CCDC149: variants seen among roughly 807,000 people sequenced by gnomAD.
CCDC149 encodes coiled-coil domain-containing protein 149.
A neutral mutation model predicts 59.9 loss-of-function variants in CCDC149; 45 were observed. The observed-to-expected ratio is 0.75, with a 90% CI of 0.59 to 0.96. The LOEUF (loss-of-function observed/expected upper bound fraction) is 0.96. CCDC149 is among the 40% of genes least tolerant of loss of function. The probability of loss-of-function intolerance (pLI) is 0.00; values close to 1 mark genes in which losing one functional copy is unlikely to be tolerated. For missense variants in CCDC149, 584 were observed against 664.7 expected (o/e 0.88, Z 1.33); for synonymous variants, 245 against 260.6 (o/e 0.94, Z 0.58).
rs562631274 is a variant in CCDC149 at position 24,961,122 on chromosome 4, C to A, written c.-65+18947G>T. On this transcript the variant is annotated intron_variant, in intron 1 of 12. Transcript: ENST00000389609. ...TAGACCGTATTTTGGTCCTTGAAAC[C>A]AAATTTTAATACATTTTAAAGGATT... 2.6e-5 allele frequency among the ~76,000 whole-genome samples: 4 copies of A among 152,224 alleles called. No individual in the cohort carries two copies. The East Asian group carries it at 7.7e-4, about 29-fold the overall frequency.
intron 12 of CCDC149, among the ~76,000 whole-genome samples, chr4:24,813,489 A>AATATATATATATATATATAT (rs57650226): frequency 9.7e-5 from 11 of 113,722 alleles, no homozygotes; most frequent in South Asian, 2.9e-4. Context: ...CAGCTTGGGG[A>AATATATATATATATATATAT]ATATATATAT....
At chr4:24,820,083 C>T in intron 11 of CCDC149, 108 bp from the exon 12 acceptor site, 1 of 729,768 alleles carries the variant, frequency 1.4e-6, no homozygotes, top group Non-Finnish European at 2.3e-6. Flanking sequence ...CAGACACTAC[C>T]ATTGAAGGGA....
At chr4:24,812,456 C>T (rs571183246) in intron 12 of CCDC149, among the ~76,000 whole-genome samples, 22 of 152,318 alleles carry the variant, frequency 1.4e-4, no homozygotes, top group East Asian at 9.6e-4. Context: ...TACAGACCCA[C>T]GTTTCTGGCT....
intron 1 of CCDC149, among the ~76,000 whole-genome samples, chr4:24,939,329 G>A (rs1224156251): frequency 4.6e-5 from 7 of 152,200 alleles, no homozygotes; most frequent in Non-Finnish European, 8.8e-5. Context: ...CTGCAGCTGA[G>A]GGTCCTGACT....
chr4:24,908,040 T>C (rs1721639136), intron 1 of CCDC149, among the ~76,000 whole-genome samples: 1 of 152,196 alleles, frequency 6.6e-6, no homozygotes. Flanking sequence ...ACCAGGTCAT[T>C]GGATTAGAGC....
At chr4:24,966,608 G>A (rs377305982) in intron 1 of CCDC149, among the ~76,000 whole-genome samples, 1 of 152,320 alleles carries the variant, frequency 6.6e-6, no homozygotes, top group African/African-American at 2.4e-5. Flanking sequence ...TCACAGATGT[G>A]GATAGATTTG....
intron 1 of CCDC149, among the ~76,000 whole-genome samples, chr4:24,964,010 T>C (rs1021999793): frequency 2.0e-5 from 3 of 151,864 alleles, no homozygotes; most frequent in African/African-American, 7.3e-5. Flanking sequence ...GCCTGGGAAA[T>C]ATAGTGAGAT....
chr4:24,812,467 G>A (rs556614217), intron 12 of CCDC149, among the ~76,000 whole-genome samples: 1 of 152,338 alleles, frequency 6.6e-6, no homozygotes, highest in African/African-American at 2.4e-5. Flanking sequence ...GTTTCTGGCT[G>A]CCAATAGGAT....
intron 4 of CCDC149, among the ~76,000 whole-genome samples, chr4:24,844,791 T>TAAAATA (rs1378481837): frequency 1.3e-5 from 2 of 151,706 alleles, no homozygotes; most frequent in East Asian, 1.9e-4. Context: ...TAAAATAAAA[T>TAAAATA]AAAATAAAAA....
intron 1 of CCDC149, among the ~76,000 whole-genome samples, chr4:24,941,218 A>T (rs941551185): frequency 2.0e-5 from 3 of 152,248 alleles, no homozygotes; most frequent in African/African-American, 4.8e-5. Flanking sequence ...AGTGCAATCA[A>T]ACTAGAACTC....
intron 4 of CCDC149, among the ~76,000 whole-genome samples, chr4:24,840,466 A>G (rs1716867150): frequency 6.6e-6 from 1 of 152,228 alleles, no homozygotes; most frequent in Non-Finnish European, 1.5e-5. Flanking sequence ...TCATTGTCAG[A>G]CATGCAGAGA....
intron 3 of CCDC149, 33 bp downstream of exon 3, chr4:24,873,648 A>T: frequency 1.4e-6 from 2 of 1,480,754 alleles, no homozygotes; most frequent in Non-Finnish European, 1.9e-6. Flanking sequence ...CTAGGTATCA[A>T]TAAAAAAATC....
intron 1 of CCDC149, among the ~76,000 whole-genome samples, chr4:24,942,748 C>G: frequency 6.6e-6 from 1 of 152,022 alleles, no homozygotes; most frequent in East Asian, 1.9e-4. Flanking sequence ...TCTTATACAC[C>G]AATAACAGAC....
intron 2 of CCDC149, among the ~76,000 whole-genome samples, chr4:24,874,740 A>G (rs1349948125): frequency 6.6e-6 from 1 of 152,226 alleles, no homozygotes; most frequent in Non-Finnish European, 1.5e-5. Context: ...TGAGGAATCT[A>G]TTCTATTCTA....
At chr4:24,936,857 G>T (rs1352249677) in intron 1 of CCDC149, among the ~76,000 whole-genome samples, 1 of 152,230 alleles carries the variant, frequency 6.6e-6, no homozygotes, top group African/African-American at 2.4e-5. Flanking sequence ...TGGCCTGAGA[G>T]GCTGGCAAGC....
intron 3 of CCDC149, among the ~76,000 whole-genome samples, chr4:24,855,242 A>G (rs1265734941): frequency 1.3e-5 from 2 of 152,112 alleles, no homozygotes; most frequent in Non-Finnish European, 2.9e-5. Flanking sequence ...ACTGAAACCA[A>G]TGCCTGGCAT....
chr4:24,875,846 CTATA>C, intron 2 of CCDC149, among the ~76,000 whole-genome samples: 1 of 152,126 alleles, frequency 6.6e-6, no homozygotes, highest in Non-Finnish European at 1.5e-5. Flanking sequence ...TTAAAGAACT[CTATA>C]TAATTAAATT....
At chr4:24,835,680 G>C (rs1473174349) in intron 7 of CCDC149, among the ~76,000 whole-genome samples, 3 of 152,114 alleles carry the variant, frequency 2.0e-5, no homozygotes, top group African/African-American at 7.2e-5. Flanking sequence ...TAGATAGACT[G>C]GTATAATGTG....
Position 24,840,706 on chromosome 4 carries a change from A to G in CCDC149, c.373-2434T>C, listed in dbSNP as rs567630777. 2.0e-5 allele frequency among the ~76,000 whole-genome samples: 3 copies of G among 152,334 alleles called. No individual in the cohort carries two copies. The South Asian group carries it at 6.2e-4, about 32-fold the overall frequency. On this transcript the variant is annotated intron_variant, in intron 4 of 12. Transcript: ENST00000635206. ...GGAAGTGCTTGCACTTAGTGTTATC[A>G]GTGCAAGAAGGCTGTGAAGTGCCTT... is the stretch of plus-strand genomic sequence containing the variant.
Sources: allele counts gnomAD v4.1 joint callset (sites outside exome capture counted in the v4.1 genomes callset), GRCh38; gene constraint gnomAD v4.1.1; transcripts MANE v1.5; gene names NCBI Gene and HGNC (gene_info 2026-07-23, HGNC 2026-07-21).